Variants in KIAA1671 observed in about 807,000 individuals in gnomAD.
The protein encoded by KIAA1671 is KIAA1671.
KIAA1671 carries 52 observed loss-of-function variants against 131.2 expected under a neutral mutation model. The observed-to-expected ratio is 0.40, with a 90% CI of 0.32 to 0.50. The LOEUF (loss-of-function observed/expected upper bound fraction) is 0.50, where lower values mean the gene tolerates loss of function less well. Among genes scored for constraint, KIAA1671 ranks in the 20% least tolerant of loss-of-function variants. The pLI is 0.73. For missense variants in KIAA1671, 2,360 were observed against 2,364.2 expected, an observed-to-expected ratio of 1.00 and a Z score of 0.04; for synonymous variants, 1,003 against 961.6, an observed-to-expected ratio of 1.04 and a Z score of -0.80.
At chr22:25,170,969 A>C (rs1481714811) in intron 7 of KIAA1671, 31 bp downstream of exon 7, 11 of 1,533,780 alleles carry the variant, frequency 7.2e-6, no homozygotes, top group Non-Finnish European at 2.7e-6. Flanking sequence ...TTCTGGCTGC[A>C]AAGGGGGCAG....
chr22:25,062,622 T>C (rs1204459945), intron 6 of KIAA1671: 1 of 152,476 alleles, frequency 6.6e-6, no homozygotes, highest in African/African-American at 2.4e-5. Context: ...CTGCGTTGGT[T>C]GTATCAGGAC....
At chr22:25,138,799 C>G (rs972063855) in intron 6 of KIAA1671, among the ~76,000 whole-genome samples, 4 of 152,108 alleles carry the variant, frequency 2.6e-5, no homozygotes, top group Non-Finnish European at 5.9e-5. Flanking sequence ...TCTCTTCAAC[C>G]CACCAAAGTG....
chr22:25,157,739 A>G (rs1181335843), intron 6 of KIAA1671, among the ~76,000 whole-genome samples: 1 of 149,594 alleles, frequency 6.7e-6, no homozygotes, highest in Admixed American at 6.7e-5. Context: ...AGTCTCTCCT[A>G]TTTTGCACCT....
chr22:25,079,256 G>C (rs551833830), intron 6 of KIAA1671, among the ~76,000 whole-genome samples: 1 of 150,824 alleles, frequency 6.6e-6, no homozygotes, highest in Non-Finnish European at 1.5e-5. Flanking sequence ...TTGAGATGGA[G>C]TCTCGCTCTG....
intron 1 of KIAA1671, among the ~76,000 whole-genome samples, chr22:25,007,387 G>T (rs553586632): frequency 6.6e-6 from 1 of 152,084 alleles, no homozygotes; most frequent in East Asian, 1.9e-4. Context: ...TGGGGAAGCT[G>T]AGGCAGGAGC....
chr22:25,116,401 AT>A (rs1181046611), intron 6 of KIAA1671, among the ~76,000 whole-genome samples: 51 of 146,490 alleles, frequency 3.5e-4, no homozygotes, highest in Non-Finnish European at 6.2e-4. Context: ...GTATGTATGT[AT>A]GTATGTATGT....
chr22:25,127,953 G>A (rs568879985), intron 6 of KIAA1671, among the ~76,000 whole-genome samples: 1 of 152,322 alleles, frequency 6.6e-6, no homozygotes, highest in East Asian at 1.9e-4. Context: ...GATGGGGGTG[G>A]AGGAGGAGAC....
At chr22:25,180,179 A>C (rs1380665408) in intron 9 of KIAA1671, among the ~76,000 whole-genome samples, 1 of 152,246 alleles carries the variant, frequency 6.6e-6, no homozygotes, top group Non-Finnish European at 1.5e-5. Flanking sequence ...GGGCCAGATC[A>C]TGGAGATCCC....
At chr22:25,150,324 C>T (rs1405526881) in intron 6 of KIAA1671, among the ~76,000 whole-genome samples, 1 of 152,170 alleles carries the variant, frequency 6.6e-6, no homozygotes, top group Non-Finnish European at 1.5e-5. Flanking sequence ...GCAGCAGAAC[C>T]CCTGGATTCT....
At chr22:25,114,118 C>G (rs1242987772) in intron 6 of KIAA1671, among the ~76,000 whole-genome samples, 2 of 152,180 alleles carry the variant, frequency 1.3e-5, no homozygotes, top group Non-Finnish European at 2.9e-5. Flanking sequence ...GTGCAGAGAA[C>G]CATTCCGTGT....
At chr22:25,041,805 C>T (rs1926939779) in intron 5 of KIAA1671, among the ~76,000 whole-genome samples, 2 of 152,214 alleles carry the variant, frequency 1.3e-5, no homozygotes, top group Admixed American at 1.3e-4. Context: ...AGTGCAGTGG[C>T]ATGATCATGG....
intron 6 of KIAA1671, among the ~76,000 whole-genome samples, chr22:25,147,155 C>CTATTT (rs10526199): frequency 0.16 from 22,781 of 138,760 alleles, 2,575 homozygotes; most frequent in Middle Eastern, 0.27. Context: ...TTATTTTTTA[C>CTATTT]TATTTTATTT....
rs80147357 is a variant in KIAA1671 at position 25,130,050 on chromosome 22, G to A, written c.4531-40770G>A. On this transcript the variant is annotated intron_variant, in intron 6 of 12. Coordinates refer to ENST00000358431, the MANE Select transcript of KIAA1671 (RefSeq NM_001145206.2). ...GAGCCCAGGAGTTTGAGACCAGCCT[G>A]GGCAACGGAGTGAGATGTCAGCTCT... 6.2e-3 allele frequency among the ~76,000 whole-genome samples: 937 copies of A among 152,160 alleles called. 9 individuals carry two copies. The highest frequency in any genetic ancestry group is 0.021 in the African/African-American group (865 of 41,506).
intron 6 of KIAA1671, among the ~76,000 whole-genome samples, chr22:25,095,893 T>C (rs746236890): frequency 6.6e-6 from 1 of 152,198 alleles, no homozygotes; most frequent in African/African-American, 2.4e-5. Context: ...GTAGCCAAGA[T>C]AAAAAATTTC....
In KIAA1671 at chr22:24,965,466, C is replaced by T. The variant is rs116458027; in HGVS notation, c.-208+12694C>T. 1.0e-2 allele frequency among the ~76,000 whole-genome samples: 1,508 copies of T among 150,872 alleles called. 26 individuals are homozygous for T. Among genetic ancestry groups the T allele is most frequent in the African/African-American group, 0.034 (1,389 of 41,158 alleles). On this transcript the variant is annotated intron_variant, in intron 1 of 12. Coordinates refer to ENST00000358431, the MANE Select transcript of KIAA1671 (RefSeq NM_001145206.2). ...CATAAAAAGATGAGCTTAGACCAGG[C>T]GCAGTAGCTCACACCTGTAATCCCA... is the stretch of plus-strand genomic sequence containing the variant.
At chr22:25,127,427 G>A (rs752493760) in intron 6 of KIAA1671, among the ~76,000 whole-genome samples, 19 of 152,116 alleles carry the variant, frequency 1.2e-4, no homozygotes, top group Non-Finnish European at 2.6e-4. Flanking sequence ...CCCCAGCCTC[G>A]AGTGTTTTAG....
At chr22:25,008,022 A>G (rs941041785) in intron 1 of KIAA1671, among the ~76,000 whole-genome samples, 14 of 151,480 alleles carry the variant, frequency 9.2e-5, no homozygotes, top group African/African-American at 3.4e-4. Context: ...ACATGATGAA[A>G]CCCTGTCTCT....
At chr22:25,188,811 C>T (rs967037080) in intron 11 of KIAA1671, among the ~76,000 whole-genome samples, 5 of 152,068 alleles carry the variant, frequency 3.3e-5, no homozygotes, top group Admixed American at 2.6e-4. Flanking sequence ...ATTGAGTAGG[C>T]TGAGGGGGAG....
intron 6 of KIAA1671, among the ~76,000 whole-genome samples, chr22:25,111,654 G>A (rs553382935): frequency 7.2e-5 from 11 of 152,328 alleles, no homozygotes; most frequent in African/African-American, 2.6e-4. Flanking sequence ...CCGGGCAGGG[G>A]GCAGCAGGGT....
Sources: allele counts gnomAD v4.1 joint callset (sites outside exome capture counted in the v4.1 genomes callset), GRCh38; gene constraint gnomAD v4.1.1; transcripts MANE v1.5; gene names NCBI Gene and HGNC (gene_info 2026-07-23, HGNC 2026-07-21).